TET2: variants seen among roughly 807,000 people sequenced by gnomAD.
TET2 encodes tet methylcytosine dioxygenase 2, also known as methylcytosine dioxygenase TET2.
Under a neutral mutation model 142.9 loss-of-function variants are expected in TET2, and 299 were observed. The observed-to-expected ratio is 2.09, with a 90% CI of 1.90 to 2.30. TET2 has a LOEUF of 2.30. TET2 is among the 30% of genes most tolerant of loss of function. The pLI is 0.00. For missense variants in TET2, 2,418 were observed against 2,378.0 expected (o/e 1.02, Z -0.35); for synonymous variants, 819 against 849.0 (o/e 0.96, Z 0.61).
intron 2 of TET2, among the ~76,000 whole-genome samples, chr4:105,223,559 C>T (rs990603911): frequency 4.6e-5 from 7 of 152,018 alleles, no homozygotes; most frequent in East Asian, 1.9e-4. Flanking sequence ...ACATTTTGCT[C>T]GGGATTTTAG....
chr4:105,234,922 C>A lies in TET2; in HGVS notation c.980C>A (p.Ser327Ter). The A allele has an allele frequency of 6.2e-7, 1 of 1,614,070 alleles. No homozygotes were observed. The highest frequency in any genetic ancestry group is 8.5e-7 in the Non-Finnish European group (1 of 1,180,004). Reference sequence around the variant, plus strand: ...CCAGAACAACTACAACAACAAAAATCAGTTTTTGAGATATGCCCATCTCCT... The same window carrying A: ...CCAGAACAACTACAACAACAAAAATAAGTTTTTGAGATATGCCCATCTCCT... Reference protein sequence around the residue: ...QKPEQLQQQKSVFEICPSPAE... With the variant: ...QKPEQLQQQK The change falls in exon 3 of 11, where the codon TCA becomes TAA. Residue 327 changes from serine to a stop codon, truncating the protein, a stop_gained. Coordinates refer to ENST00000380013, the MANE Select transcript of TET2 (RefSeq NM_001127208.3). LOFTEE classifies it high-confidence loss of function.
intron 1 of TET2, among the ~76,000 whole-genome samples, chr4:105,170,014 C>A (rs1339073841): frequency 1.3e-5 from 2 of 152,036 alleles, no homozygotes; most frequent in East Asian, 3.9e-4. Context: ...TAATGTGATT[C>A]TGCCCAATTT....
chr4:105,203,786 TTTTG>T (rs1382354195), intron 2 of TET2, among the ~76,000 whole-genome samples: 1 of 152,188 alleles, frequency 6.6e-6, no homozygotes, highest in Non-Finnish European at 1.5e-5. Context: ...TTTAAATAAT[TTTTG>T]TTTAATTATA....
At chr4:105,238,257 C>CTGA (rs1729073134) in intron 3 of TET2, 1 of 238,370 alleles carries the variant, frequency 4.2e-6, no homozygotes, top group Admixed American at 5.7e-5. Context: ...TCGCTGTGGA[C>CTGA]TGATCATGGT....
At chr4:105,154,477 G>T (rs549619628) in intron 1 of TET2, among the ~76,000 whole-genome samples, 2 of 152,246 alleles carry the variant, frequency 1.3e-5, no homozygotes, top group Admixed American at 6.5e-5. Flanking sequence ...ACTTTGGGAG[G>T]CCAAGGCGGG....
intron 2 of TET2, among the ~76,000 whole-genome samples, chr4:105,217,695 T>C (rs1267249616): frequency 6.6e-6 from 1 of 152,080 alleles, no homozygotes; most frequent in Non-Finnish European, 1.5e-5. Context: ...GCACAGAACT[T>C]TATTTTTTCT....
In TET2 at chr4:105,233,892, T is replaced by A. The variant is rs775724916; in HGVS notation, c.-46-5T>A. 1.3e-6 allele frequency: 2 copies of A among 1,509,074 alleles called. No individual in the cohort carries two copies. Among genetic ancestry groups the A allele is most frequent in the Admixed American group, 4.3e-5 (2 of 46,458 alleles). 93.5% of individuals were successfully genotyped at this position (1,509,074 alleles called of 1,614,324 possible). ...CATTTTAATTTTTGTTTCCATGCTC[T>A]TTAGAATTCAACTAGAGGGCAGCCT... On this transcript the variant is annotated splice_region_variant and splice_polypyrimidine_tract_variant and intron_variant, in intron 2 of 10. Coordinates refer to ENST00000380013, the MANE Select transcript of TET2 (RefSeq NM_001127208.3).
intron 1 of TET2, among the ~76,000 whole-genome samples, chr4:105,158,844 A>G (rs1342667429): frequency 6.6e-6 from 1 of 151,940 alleles, no homozygotes; most frequent in Non-Finnish European, 1.5e-5. Flanking sequence ...CAAATAAATC[A>G]CCCTTAGTTA....
Position 105,269,665 on chromosome 4 carries a change from C to T in TET2, c.4100C>T (p.Pro1367Leu), listed in dbSNP as rs1560569394. The change falls in exon 9 of 11, where the codon CCA becomes CTA. Residue 1367 changes from proline to leucine, a missense_variant. Physicochemically the swap from Pro to Leu is moderately conservative, Grantham distance 98. Coordinates refer to ENST00000380013, the MANE Select transcript of TET2 (RefSeq NM_001127208.3). ...ECRLGLKEGR[P>L]FSGVTACLDF... is the part of the protein sequence containing the mutation. ...CGTCTGGGTCTGAAGGAAGGCCGTC[C>T]ATTCTCAGGGGTCACTGCATGTTTG... The T allele has an allele frequency of 1.9e-6, 3 of 1,551,450 alleles. No homozygotes were observed. The highest frequency in any genetic ancestry group is 1.7e-6 in the Non-Finnish European group (2 of 1,146,938).
chr4:105,256,648 G>T (rs1730147816), intron 6 of TET2, among the ~76,000 whole-genome samples: 1 of 152,130 alleles, frequency 6.6e-6, no homozygotes, highest in Non-Finnish European at 1.5e-5. Context: ...TCAAATTTGA[G>T]AAGTTTTCGG....
chr4:105,268,507 A>C (rs1730800243), intron 8 of TET2, among the ~76,000 whole-genome samples: 1 of 152,212 alleles, frequency 6.6e-6, no homozygotes, highest in East Asian at 1.9e-4. Context: ...TCAAAACCCC[A>C]GCAGGTTTTT....
chr4:105,178,607 T>A (rs1452168593), intron 1 of TET2, among the ~76,000 whole-genome samples: 1 of 152,190 alleles, frequency 6.6e-6, no homozygotes, highest in Non-Finnish European at 1.5e-5. Flanking sequence ...TTATCAGTTG[T>A]AACAAATATA....
chr4:105,244,385 TTAGAA>T (rs1729470595), intron 6 of TET2, among the ~76,000 whole-genome samples: 1 of 152,094 alleles, frequency 6.6e-6, no homozygotes, highest in Non-Finnish European at 1.5e-5. Flanking sequence ...ATATAAGAAT[TTAGAA>T]TAGAACTGCA....
intron 1 of TET2, among the ~76,000 whole-genome samples, chr4:105,161,792 C>T (rs984949802): frequency 6.6e-6 from 1 of 152,144 alleles, no homozygotes; most frequent in Non-Finnish European, 1.5e-5. Context: ...AGGCTGTCTT[C>T]ATAAAGATGA....
At chr4:105,257,533 G>T (rs909526326) in intron 6 of TET2, among the ~76,000 whole-genome samples, 15 of 152,068 alleles carry the variant, frequency 9.9e-5, no homozygotes, top group Non-Finnish European at 1.9e-4. Context: ...GTGTGTTGGG[G>T]CATGCATTCA....
Position 105,233,383 on chromosome 4 carries a change from C to CAAAAAAAAAAAAAAA in TET2, c.-46-510_-46-496dup, listed in dbSNP as rs34890297. ...TGGGCAAGAGAGTGAGACTCCATCT[C>CAAAAAAAAAAAAAAA]AAAAAAAAAAAAAAAAAAGCTACTG... On this transcript the variant is annotated intron_variant, in intron 2 of 10. Transcript: ENST00000380013. Among the ~76,000 whole-genome samples the CAAAAAAAAAAAAAAA allele has an allele frequency of 5.6e-3, 423 of 76,108 alleles. 103 individuals carry two copies. The highest frequency in any genetic ancestry group is 0.017 in the African/African-American group (279 of 16,272). The allele number at this position is 76,108 out of a possible 152,430, so 49.9% of individuals were successfully genotyped here.
chr4:105,251,919 A>G (rs75021741), intron 6 of TET2, among the ~76,000 whole-genome samples: 250 of 152,358 alleles, frequency 1.6e-3, no homozygotes, highest in African/African-American at 5.8e-3. Context: ...ACATTGAATG[A>G]AAGGCACAGA....
chr4:105,151,569 A>G (rs1177853423), intron 1 of TET2, among the ~76,000 whole-genome samples: 1 of 151,822 alleles, frequency 6.6e-6, no homozygotes, highest in Non-Finnish European at 1.5e-5. Context: ...TTCAGAACTC[A>G]GGCCAGGTGT....
At chr4:105,209,809 G>A (rs916406156) in intron 2 of TET2, among the ~76,000 whole-genome samples, 1 of 152,118 alleles carries the variant, frequency 6.6e-6, no homozygotes, top group Non-Finnish European at 1.5e-5. Flanking sequence ...TGGAAGAGAT[G>A]GTGTTCAGCA....
Sources: gnomAD v4.1 joint callset for allele counts (sites outside exome capture counted in the v4.1 genomes callset) on GRCh38, gnomAD v4.1.1 for gene constraint, MANE v1.5 for transcripts, NCBI Gene and HGNC (gene_info 2026-07-23, HGNC 2026-07-21) for gene names.